Variants in CDC123 observed in about 807,000 individuals in gnomAD.
CDC123 encodes the protein cell division cycle 123, also known as translation initiation factor eIF2 assembly protein.
In CDC123, 37 loss-of-function variants were observed where a neutral mutation model predicts 54.4. The observed-to-expected ratio is 0.68, with a 90% CI of 0.52 to 0.89. The LOEUF is 0.89. CDC123 is among the 40% of genes least tolerant of loss of function. The pLI is 0.00. For missense variants in CDC123, 361 were observed against 412.1 expected, an observed-to-expected ratio of 0.88 and a Z score of 1.07; for synonymous variants, 144 against 136.8, an observed-to-expected ratio of 1.05 and a Z score of -0.37.
chr10:12,249,648 G>A lies in CDC123; in HGVS notation c.914G>A (p.Arg305Gln), dbSNP rs1312858426. The A allele has an allele frequency of 1.4e-5, 22 of 1,613,990 alleles. No individual in the cohort carries two copies. The highest frequency in any genetic ancestry group is 1.7e-5 in the Non-Finnish European group (20 of 1,180,034). Residue 305 changes from arginine (R) to glutamine (Q), a missense_variant, in exon 12 of 13, where the codon CGG becomes CAG. Coordinates refer to ENST00000281141, the MANE Select transcript of CDC123 (RefSeq NM_006023.3). ...TVQPSPYLSYRLPKDFVDLST... is the reference protein window; with the variant it reads ...TVQPSPYLSYQLPKDFVDLST... ...CAGCCCAGCCCCTATTTGAGTTACC[G>A]GCTACCCAAGGACTTTGTAGACCTC...
chr10:12,246,956 G>T (rs568248407), intron 11 of CDC123: 2 of 137,626 alleles, frequency 1.5e-5, no homozygotes, highest in African/African-American at 5.6e-5. Context: ...TCAGGACACT[G>T]TGTCCTCCTC....
chr10:12,239,225 C>T (rs1329154191), intron 10 of CDC123, among the ~76,000 whole-genome samples: 1 of 152,034 alleles, frequency 6.6e-6, no homozygotes, highest in African/African-American at 2.4e-5. Flanking sequence ...AAAATCTCCC[C>T]TTAAAATATA....
At chr10:12,197,802 T>A (rs1835384632) in intron 1 of CDC123, among the ~76,000 whole-genome samples, 1 of 152,118 alleles carries the variant, frequency 6.6e-6, no homozygotes, top group African/African-American at 2.4e-5. Context: ...TATTTAAAAA[T>A]AAATAAAAAT....
chr10:12,196,913 A>G (rs1306197585), intron 1 of CDC123, among the ~76,000 whole-genome samples: 3 of 152,236 alleles, frequency 2.0e-5, no homozygotes, highest in African/African-American at 7.2e-5. Flanking sequence ...GTATTAATAT[A>G]TACAATTTCA....
At chr10:12,203,836 G>A (rs80294163) in intron 2 of CDC123, among the ~76,000 whole-genome samples, 3,314 of 152,270 alleles carry the variant, frequency 0.022, 93 homozygotes, top group East Asian at 0.11. Context: ...GCTCATGCCT[G>A]TAATCTAGCA....
intron 2 of CDC123, among the ~76,000 whole-genome samples, chr10:12,209,091 A>G (rs1157735497): frequency 1.3e-5 from 2 of 152,142 alleles, no homozygotes; most frequent in Non-Finnish European, 2.9e-5. Flanking sequence ...GAACTTTCTC[A>G]TATACTGAGG....
At chr10:12,233,250 A>G (rs189813316) in intron 7 of CDC123, among the ~76,000 whole-genome samples, 1 of 147,106 alleles carries the variant, frequency 6.8e-6, no homozygotes, top group African/African-American at 2.5e-5. Context: ...CCTTTGTATC[A>G]TTTTCTCCTG....
intron 6 of CDC123, among the ~76,000 whole-genome samples, chr10:12,228,869 C>T (rs545976733): frequency 6.6e-6 from 1 of 152,262 alleles, no homozygotes; most frequent in South Asian, 2.1e-4. Flanking sequence ...TGCGCCTGGC[C>T]ACGCCTGGCT....
chr10:12,200,330 T>C (rs1363637408), intron 2 of CDC123, among the ~76,000 whole-genome samples: 3 of 151,232 alleles, frequency 2.0e-5, no homozygotes, highest in African/African-American at 7.3e-5. Flanking sequence ...TTTCACCATG[T>C]TGGCCGGGCT....
intron 8 of CDC123, among the ~76,000 whole-genome samples, chr10:12,235,591 C>T (rs1564256943): frequency 6.6e-6 from 1 of 152,188 alleles, no homozygotes; most frequent in Non-Finnish European, 1.5e-5. Context: ...TCTTTCCTCT[C>T]AGGTTACTGT....
intron 11 of CDC123, among the ~76,000 whole-genome samples, chr10:12,248,077 G>A (rs574231930): frequency 6.6e-6 from 1 of 151,968 alleles, no homozygotes; most frequent in African/African-American, 2.4e-5. Flanking sequence ...TTGAGAACCA[G>A]TGTTTATATT....
At chr10:12,232,884 C>G (rs1020349194) in intron 7 of CDC123, among the ~76,000 whole-genome samples, 1 of 151,512 alleles carries the variant, frequency 6.6e-6, no homozygotes, top group Non-Finnish European at 1.5e-5. Context: ...CTCAGCCTCC[C>G]AAGGAGCTGG....
chr10:12,239,234 T>C (rs1296818763), intron 10 of CDC123, among the ~76,000 whole-genome samples: 2 of 152,000 alleles, frequency 1.3e-5, no homozygotes, highest in African/African-American at 4.8e-5. Flanking sequence ...CCTTAAAATA[T>C]ACCTAACATT....
Position 12,235,255 on chromosome 10 carries a change from A to T in CDC123, c.565+132A>T, listed in dbSNP as rs183505026. The T allele has an allele frequency of 2.9e-5, 21 of 716,134 alleles. 1 individual carries two copies. The East Asian group carries it at 5.4e-4, about 18-fold the overall frequency. The allele number at this position is 716,134 out of a possible 1,614,324, so 44.4% of individuals were successfully genotyped here. On this transcript the variant is annotated intron_variant, in intron 8 of 12. Coordinates refer to ENST00000281141, the MANE Select transcript of CDC123 (RefSeq NM_006023.3). ...TGTTTTCATCTCAGATGCCACCTCT[A>T]ACCAGTTGATACTGACTCTCTGGAA... is the stretch of plus-strand genomic sequence containing the variant.
At chr10:12,204,738 T>C (rs1274770861) in intron 2 of CDC123, among the ~76,000 whole-genome samples, 1 of 152,176 alleles carries the variant, frequency 6.6e-6, no homozygotes, top group East Asian at 1.9e-4. Context: ...ATGCCTGTAA[T>C]TCCAGCACTT....
chr10:12,221,442 C>T (rs1221303557), intron 6 of CDC123, among the ~76,000 whole-genome samples: 5 of 152,170 alleles, frequency 3.3e-5, no homozygotes, highest in African/African-American at 1.2e-4. Context: ...AGGTTGTTTC[C>T]TCTTGTTCTT....
At chr10:12,246,019 G>A (rs181407504) in intron 10 of CDC123, 130 bp from the exon 11 acceptor site, 16 of 955,686 alleles carry the variant, frequency 1.7e-5, no homozygotes, top group Non-Finnish European at 2.0e-5. Context: ...GCAGTGAGCC[G>A]TGATCACACC....
chr10:12,199,963 A>G (rs1483966631), intron 2 of CDC123, among the ~76,000 whole-genome samples: 8 of 150,610 alleles, frequency 5.3e-5, no homozygotes, highest in Admixed American at 4.7e-4. Context: ...CTGGGACTAC[A>G]GGCGCCCACC....
chr10:12,214,426 T>G (rs1289506110), intron 4 of CDC123, among the ~76,000 whole-genome samples: 2 of 152,200 alleles, frequency 1.3e-5, no homozygotes, highest in Non-Finnish European at 2.9e-5. Context: ...AATAAAGGAC[T>G]CAGTGCTGCT....
Sources: allele counts gnomAD v4.1 joint callset (sites outside exome capture counted in the v4.1 genomes callset), GRCh38; gene constraint gnomAD v4.1.1; transcripts MANE v1.5; gene names NCBI Gene and HGNC (gene_info 2026-07-23, HGNC 2026-07-21).